The following RPL3L variants were observed in gnomAD, a reference collection of about 807,000 sequenced individuals.
RPL3L encodes ribosomal protein uL3-like.
In RPL3L, 44 loss-of-function variants were observed where a neutral mutation model predicts 44.5. The ratio of observed to expected loss-of-function variants is 0.99; its 90% confidence interval spans 0.78 to 1.27. RPL3L has a LOEUF of 1.27. Among genes scored for constraint, RPL3L ranks in the 50% most tolerant of loss-of-function variants. The pLI is 0.00. For synonymous variants in RPL3L, 292 were observed against 230.7 expected (o/e 1.27, Z -2.41); for missense variants, 631 against 569.1 (o/e 1.11, Z -1.11).
chr16:1,947,850 C>T (rs761917708), intron 4 of RPL3L, among the ~76,000 whole-genome samples: 20 of 151,246 alleles, frequency 1.3e-4, no homozygotes, highest in African/African-American at 2.2e-4. Context: ...TGTGGGCAGA[C>T]GGTGGGGAGC....
rs1387646249 is a variant in RPL3L, at chr16:1,944,814, A to G, written c.*23T>C. The stretch of plus-strand genomic sequence containing the variant: ...TGGGGCAGACAGTGCGGTGCGCTTC[A>G]GGGTTCATCCACCCCACACAGCCTA... On this transcript the variant is annotated 3_prime_UTR_variant, in exon 10 of 10. Transcript: ENST00000268661. The G allele has an allele frequency of 1.2e-6, 2 of 1,613,810 alleles. No individual in the cohort carries two copies. The highest frequency in any genetic ancestry group is 2.2e-5 in the East Asian group (1 of 44,882).
At position 1,944,776 on chromosome 16, in the gene RPL3L, CT is replaced by C; in HGVS notation, c.*60del. The C allele has an allele frequency of 6.2e-7, 1 of 1,610,024 alleles. No homozygotes were observed. Among genetic ancestry groups the C allele is most frequent in the Non-Finnish European group, 8.5e-7 (1 of 1,176,560 alleles). ...CCTCGCAGGAAGAGTCGCCTCCGGC[CT>C]TTGTTAGACATTGGGGCAGACAGTG... On this transcript the variant is annotated 3_prime_UTR_variant, in exon 10 of 10. Coordinates refer to ENST00000268661, the MANE Select transcript of RPL3L (RefSeq NM_005061.3).
At chr16:1,949,975 G>GGGGCAGGTATGGACA (rs1315939821) in intron 4 of RPL3L, among the ~76,000 whole-genome samples, 2 of 131,006 alleles carry the variant, frequency 1.5e-5, no homozygotes, top group African/African-American at 6.6e-5. Context: ...AGGTATGGAC[G>GGGGCAGGTATGGACA]GGGCAGGTAT....
chr16:1,951,051 C>T, intron 3 of RPL3L, 72 bp from the exon 4 acceptor site: 3 of 1,563,256 alleles, frequency 1.9e-6, no homozygotes, highest in South Asian at 2.3e-5. Context: ...CTGCCCCCAC[C>T]TCACCCCCAG....
intron 9 of RPL3L, 62 bp from the exon 10 acceptor site, chr16:1,944,955 C>G (rs2083109520): frequency 2.5e-6 from 4 of 1,607,462 alleles, no homozygotes; most frequent in South Asian, 1.1e-5. Context: ...CGCCCTCCCC[C>G]AGCCAGGCTC....
At chr16:1,953,577 T>C (rs1206342016) in intron 2 of RPL3L, among the ~76,000 whole-genome samples, 8 of 152,190 alleles carry the variant, frequency 5.3e-5, no homozygotes, top group African/African-American at 1.4e-4. Context: ...AAACTAACTA[T>C]ATACATAGGC....
chr16:1,946,865 C>T, intron 6 of RPL3L, 73 bp downstream of exon 6: 3 of 1,561,100 alleles, frequency 1.9e-6, no homozygotes, highest in South Asian at 2.3e-5. Context: ...GTCATGCACC[C>T]CACCCACTGA....
chr16:1,949,476 C>T (rs1223959514), intron 4 of RPL3L, among the ~76,000 whole-genome samples: 3 of 150,708 alleles, frequency 2.0e-5, no homozygotes, highest in Non-Finnish European at 4.4e-5. Flanking sequence ...TGGTCTCGAA[C>T]TCCTGACCTC....
Position 1,953,984 on chromosome 16 carries a change from G to T in RPL3L, c.168C>A (p.Thr56=), listed in dbSNP as rs1438952648. ...GCCCCGGCCGGTGCACCTCCCGCAG[G>T]GTGTGGGTCATGCCCGCCTTGTAGC... ...FLGYKAGMTH[T]LREVHRPGLK... The change falls in exon 2 of 10, where the codon ACC becomes ACA. Residue 56 remains threonine (T), a synonymous_variant. Coordinates refer to ENST00000268661, the MANE Select transcript of RPL3L (RefSeq NM_005061.3). 5 of 1,585,870 alleles carry T rather than the reference G, an allele frequency of 3.2e-6. No homozygotes were observed. The South Asian group carries it at 4.5e-5, about 14-fold the overall frequency.
At chr16:1,948,361 T>C (rs2083141495) in intron 4 of RPL3L, among the ~76,000 whole-genome samples, 1 of 151,874 alleles carries the variant, frequency 6.6e-6, no homozygotes, top group Non-Finnish European at 1.5e-5. Context: ...GTAACTGGGA[T>C]TACAGGTGTG....
chr16:1,954,660 G>A lies in RPL3L; in HGVS notation c.-29C>T. On this transcript the variant is annotated 5_prime_UTR_variant, in exon 1 of 10. Transcript: ENST00000268661. ...GGCCGATCCCTGAAGGTCAGGAAGGGGCCTCGCCGCTAGCCGCCAGAGGTC... is the reference window on the plus strand; with the variant it reads ...GGCCGATCCCTGAAGGTCAGGAAGGAGCCTCGCCGCTAGCCGCCAGAGGTC... 3 of 1,535,316 alleles carry A rather than the reference G, an allele frequency of 2.0e-6. No individual in the cohort carries two copies. Among genetic ancestry groups the A allele is most frequent in the Non-Finnish European group, 1.8e-6 (2 of 1,140,872 alleles).
chr16:1,949,122 C>T (rs981391729), intron 4 of RPL3L, among the ~76,000 whole-genome samples: 17 of 151,438 alleles, frequency 1.1e-4, no homozygotes, highest in East Asian at 1.9e-4. Flanking sequence ...AGGCATGCAC[C>T]ACCATGCCCA....
chr16:1,947,864 G>C (rs1052033649), intron 4 of RPL3L, among the ~76,000 whole-genome samples: 7 of 152,110 alleles, frequency 4.6e-5, no homozygotes, highest in Non-Finnish European at 8.8e-5. Flanking sequence ...GGGGAGCAAG[G>C]GGCGTGGGCC....
chr16:1,947,156 C>T (rs79939323), intron 5 of RPL3L, 38 bp downstream of exon 5: 2 of 1,612,828 alleles, frequency 1.2e-6, no homozygotes, highest in Non-Finnish European at 8.5e-7. Context: ...TGCCTCCAGG[C>T]AGCCTGCCCT....
chr16:1,944,875 G>C lies in RPL3L; in HGVS notation c.1186C>G (p.Leu396Val), dbSNP rs2083108701. 2.5e-6 allele frequency: 4 copies of C among 1,613,926 alleles called. No individual in the cohort carries two copies. The African/African-American group carries it at 5.3e-5, about 22-fold the overall frequency. Residue 396 changes from leucine to valine, a missense_variant, in exon 10 of 10, where the codon CTG (leucine) becomes GTG (valine). Coordinates refer to ENST00000268661, the MANE Select transcript of RPL3L (RefSeq NM_005061.3). ...GAGGTCTCCGGCGTTTCCTTCTCCA[G>C]ATGCTTCTTTTGGGGGCCCTGGTTG... ...RAFMGPQKKH[L>V]EKETPETSGD...
intron 4 of RPL3L, 136 bp from the exon 5 acceptor site, chr16:1,947,516 A>T: frequency 1.2e-5 from 13 of 1,108,378 alleles, no homozygotes; most frequent in Non-Finnish European, 1.6e-5. Context: ...TCAGGTTGCA[A>T]CCCATGTGTT....
In RPL3L at chr16:1,947,080, T is replaced by C. The variant is rs915430401; in HGVS notation, c.707A>G (p.His236Arg). The C allele has an allele frequency of 1.1e-5, 18 of 1,613,648 alleles. No individual in the cohort carries two copies. The highest frequency in any genetic ancestry group is 1.5e-5 in the Non-Finnish European group (18 of 1,180,006). ...GGTCTTCCGCGGCAGCTTCTTGGTATGCCAGCGGCTTGTGACCCCTGTGAG... is the reference window on the plus strand; with the variant it reads ...GGTCTTCCGCGGCAGCTTCTTGGTACGCCAGCGGCTTGTGACCCCTGTGAG... ...RGVKGVTSRW[H>R]TKKLPRKTHK... Residue 236 changes from histidine to arginine, a missense_variant, in exon 6 of 10, where the codon CAT becomes CGT. Coordinates refer to ENST00000268661, the MANE Select transcript of RPL3L (RefSeq NM_005061.3).
rs766137407 is a variant in RPL3L, at chr16:1,945,883, C to T, written c.999G>A (p.Leu333=). The stretch of plus-strand genomic sequence containing the variant: ...TCTTGGTACCAGCAATACAACCCTT[C>T]AGCATGACGAAGTCGTTGTTCACTT... ...YGEVNNDFVM[L]KGCIAGTKKR... Residue 333 remains leucine (L), a synonymous_variant, in exon 8 of 10, where the codon CTG becomes CTA. Coordinates refer to ENST00000268661, the MANE Select transcript of RPL3L (RefSeq NM_005061.3). 11 of 1,613,762 alleles carry T rather than the reference C, an allele frequency of 6.8e-6. No homozygotes were observed. Among genetic ancestry groups the T allele is most frequent in the Non-Finnish European group, 8.5e-6 (10 of 1,179,944 alleles).
chr16:1,950,964 C>T lies in RPL3L; in HGVS notation c.381G>A (p.Lys127=). ...RFYKDWHKSK[K]KAFTKACKRW... ...TCTTGCAGGCCTTGGTGAAGGCTTTCTTCTTGCTCTTGTGCCTGAGCCATG... is the reference window on the plus strand; with the variant it reads ...TCTTGCAGGCCTTGGTGAAGGCTTTTTTCTTGCTCTTGTGCCTGAGCCATG... Residue 127 remains lysine (K), a synonymous_variant, in exon 4 of 10, where the codon AAG becomes AAA. Transcript: ENST00000268661. The T allele has an allele frequency of 6.2e-7, 1 of 1,613,884 alleles. No individual in the cohort carries two copies. Among genetic ancestry groups the T allele is most frequent in the Non-Finnish European group, 8.5e-7 (1 of 1,179,920 alleles).
Sources: gnomAD v4.1 joint callset for allele counts (sites outside exome capture counted in the v4.1 genomes callset) on GRCh38, gnomAD v4.1.1 for gene constraint, MANE v1.5 for transcripts, NCBI Gene and HGNC (gene_info 2026-07-23, HGNC 2026-07-21) for gene names.